The following CACNA2D1 variants were observed in gnomAD, a reference collection of about 807,000 sequenced individuals.
CACNA2D1 encodes voltage-dependent calcium channel subunit alpha-2/delta-1.
Under a neutral mutation model 171.5 loss-of-function variants are expected in CACNA2D1, and 53 were observed. That is an observed-to-expected ratio of 0.31 (90% CI 0.25 to 0.39). CACNA2D1 has a LOEUF of 0.39. Ranked by LOEUF, CACNA2D1 falls within the 10% of genes least tolerant of loss-of-function variation. The pLI is 1.00. For synonymous variants in CACNA2D1, 442 were observed against 443.1 expected, an observed-to-expected ratio of 1.00 and a Z score of 0.03; for missense variants, 903 against 1,299.8, an observed-to-expected ratio of 0.69 and a Z score of 4.69.
At chr7:82,195,716 A>T (rs78220651) in intron 3 of CACNA2D1, among the ~76,000 whole-genome samples, 1 of 151,360 alleles carries the variant, frequency 6.6e-6, no homozygotes, top group Admixed American at 6.6e-5. Context: ...AAACCTTTCA[A>T]CCCTTTCACA....
rs538712996 is a variant in CACNA2D1, at chr7:81,964,198, AT to A, written c.2727+8del. ...CTTGAGAATTGATTAGACCGTGGAT[AT>A]TACTGACCACATATGCTGAGCGATG... On this transcript the variant is annotated splice_region_variant and intron_variant, in intron 33 of 38. Coordinates refer to ENST00000356860, the MANE Select transcript of CACNA2D1 (RefSeq NM_000722.4). 304 of 1,612,832 alleles carry A rather than the reference AT, an allele frequency of 1.9e-4. No homozygotes were observed. In the African/African-American group the frequency reaches 3.8e-3, roughly 20 times the overall value.
chr7:82,327,781 T>G (rs573477578), intron 3 of CACNA2D1, among the ~76,000 whole-genome samples: 1 of 152,202 alleles, frequency 6.6e-6, no homozygotes, highest in Non-Finnish European at 1.5e-5. Context: ...ACTATAATTA[T>G]GTGTTGTTAC....
Position 81,965,614 on chromosome 7 carries a change from G to T in CACNA2D1, c.2554C>A (p.His852Asn). 1 of 1,583,480 alleles carries T rather than the reference G, an allele frequency of 6.3e-7. No homozygotes were observed. The highest frequency in any genetic ancestry group is 8.7e-7 in the Non-Finnish European group (1 of 1,152,858). The change falls in exon 32 of 39, where the codon CAT (histidine) becomes AAT (asparagine). Residue 852 changes from histidine to asparagine, a missense_variant. His to Asn is a moderately conservative substitution (Grantham distance 68, BLOSUM62 1). This residue lies in a region of CACNA2D1 where 623 missense variants were observed against 925.5 expected (regional missense o/e 0.67). Transcript: ENST00000356860. ...DDGGFLLMAN[H>N]DDYTNQIGRF... ...CATACCTGATTAGTATAATCATCAT[G>T]ATTTGCCATCAGAAGAAACCCACCA...
chr7:82,017,348 T>C (rs1479609679), intron 12 of CACNA2D1, among the ~76,000 whole-genome samples: 1 of 152,200 alleles, frequency 6.6e-6, no homozygotes, highest in Non-Finnish European at 1.5e-5. Flanking sequence ...TTGTTTTTTC[T>C]TTGTACATTT....
At chr7:82,355,989 G>C (rs765163607) in intron 1 of CACNA2D1, among the ~76,000 whole-genome samples, 8 of 151,580 alleles carry the variant, frequency 5.3e-5, no homozygotes, top group Middle Eastern at 3.4e-3. Flanking sequence ...GTCCCTTCTC[G>C]TTGTTGGAAA....
At chr7:82,305,464 C>A (rs1405676755) in intron 3 of CACNA2D1, among the ~76,000 whole-genome samples, 1 of 152,098 alleles carries the variant, frequency 6.6e-6, no homozygotes, top group East Asian at 1.9e-4. Flanking sequence ...TGTTCTGGGG[C>A]CTACACCTTA....
At chr7:81,967,294 A>C (rs1794808020) in intron 30 of CACNA2D1, 87 bp from the exon 31 acceptor site, 19 of 1,104,404 alleles carry the variant, frequency 1.7e-5, no homozygotes, top group Non-Finnish European at 2.6e-5. Context: ...GAAATTCTGA[A>C]ATAATTTATC....
At chr7:82,299,061 A>AAG (rs1343574265) in intron 3 of CACNA2D1, among the ~76,000 whole-genome samples, 1 of 28,596 alleles carries the variant, frequency 3.5e-5, no homozygotes, top group Non-Finnish European at 5.6e-5. Flanking sequence ...AGACTCTGTC[A>AAG]AAAAAAAAAA....
chr7:82,271,591 C>T (rs955960456), intron 3 of CACNA2D1, among the ~76,000 whole-genome samples: 5 of 151,978 alleles, frequency 3.3e-5, no homozygotes, highest in Admixed American at 6.6e-5. Context: ...TATCATCATG[C>T]CATATTTTTG....
In CACNA2D1 at chr7:82,289,745, C is replaced by T. The variant is rs148510429; in HGVS notation, c.294+45390G>A. ...CTCTAATATTTACGGCCTTTTTAAA[C>T]GTGACTGAAAAGGGAGGAACTTGTC... is the stretch of plus-strand genomic sequence containing the variant. On this transcript the variant is annotated intron_variant, in intron 3 of 38. Coordinates refer to ENST00000356860, the MANE Select transcript of CACNA2D1 (RefSeq NM_000722.4). Among the ~76,000 whole-genome samples, 91 of 152,296 alleles carry T rather than the reference C, an allele frequency of 6.0e-4. No homozygotes were observed. The East Asian group carries it at 0.014, about 24-fold the overall frequency.
intron 24 of CACNA2D1, among the ~76,000 whole-genome samples, chr7:81,980,644 A>G (rs993376006): frequency 2.0e-5 from 3 of 152,152 alleles, no homozygotes; most frequent in African/African-American, 7.2e-5. Flanking sequence ...AGACAGCATT[A>G]AGAAATACAG....
intron 3 of CACNA2D1, among the ~76,000 whole-genome samples, chr7:82,295,730 G>A (rs765272990): frequency 8.6e-5 from 13 of 151,672 alleles, no homozygotes; most frequent in Non-Finnish European, 1.6e-4. Flanking sequence ...AAAAAAAAAA[G>A]TGTGAGGATA....
At chr7:82,418,027 G>A (rs1585890742) in intron 1 of CACNA2D1, among the ~76,000 whole-genome samples, 2 of 152,154 alleles carry the variant, frequency 1.3e-5, no homozygotes, top group African/African-American at 4.8e-5. Context: ...AACTGCCCAG[G>A]ACTGGGTAAT....
intron 3 of CACNA2D1, among the ~76,000 whole-genome samples, chr7:82,247,026 G>A (rs1805009813): frequency 6.6e-6 from 1 of 152,182 alleles, no homozygotes; most frequent in South Asian, 2.1e-4. Flanking sequence ...AGTCCAAGTA[G>A]AAGTCTTCAG....
Position 82,066,460 on chromosome 7 carries a change from T to C in CACNA2D1, c.723A>G (p.Arg241=). ...GGCTAGCTAAAAATTCTTACCATGG[T>C]CTTCTGCGTACATCATAAAGGTCAA... The part of the protein sequence containing the change: ...NKIDLYDVRR[R]PWYIQGAASP... The change falls in exon 8 of 39, where the codon AGA becomes AGG. Residue 241 remains arginine, a synonymous_variant. Coordinates refer to ENST00000356860, the MANE Select transcript of CACNA2D1 (RefSeq NM_000722.4). The C allele has an allele frequency of 6.2e-7, 1 of 1,611,304 alleles. No individual in the cohort carries two copies. The highest frequency in any genetic ancestry group is 8.5e-7 in the Non-Finnish European group (1 of 1,178,878).
intron 3 of CACNA2D1, among the ~76,000 whole-genome samples, chr7:82,216,760 C>A (rs77243268): frequency 6.6e-6 from 1 of 151,686 alleles, no homozygotes; most frequent in Non-Finnish European, 1.5e-5. Flanking sequence ...AGAGGAAAGA[C>A]CAAAAGGACA....
intron 4 of CACNA2D1, among the ~76,000 whole-genome samples, chr7:82,148,724 G>A (rs777124581): frequency 2.0e-5 from 3 of 152,016 alleles, no homozygotes; most frequent in Non-Finnish European, 2.9e-5. Context: ...TGCAACCTCC[G>A]CCTCCCAGGT....
intron 3 of CACNA2D1, among the ~76,000 whole-genome samples, chr7:82,178,413 C>T (rs1423275652): frequency 6.6e-6 from 1 of 152,062 alleles, no homozygotes; most frequent in Non-Finnish European, 1.5e-5. Context: ...TCTTTTGGGT[C>T]TACAGCGCAA....
chr7:82,225,488 A>G (rs1022188909), intron 3 of CACNA2D1, among the ~76,000 whole-genome samples: 1 of 152,200 alleles, frequency 6.6e-6, no homozygotes, highest in Admixed American at 6.5e-5. Flanking sequence ...GCAGACATTT[A>G]ATATTCATTT....
Sources: gnomAD v4.1 joint callset for allele counts (sites outside exome capture counted in the v4.1 genomes callset) on GRCh38, gnomAD v4.1.1 for gene constraint, gnomAD v4.1.1 regional missense constraint, MANE v1.5 for transcripts, NCBI Gene and HGNC (gene_info 2026-07-23, HGNC 2026-07-21) for gene names.